The following UBN1 variants were observed in gnomAD, a reference collection of about 807,000 sequenced individuals.
The protein encoded by UBN1 is ubinuclein 1.
A neutral mutation model predicts 108.5 loss-of-function variants in UBN1; 17 were observed. The ratio of observed to expected loss-of-function variants is 0.16; its 90% CI spans 0.11 to 0.24. UBN1 has a LOEUF of 0.24. Ranked by LOEUF, UBN1 falls within the 10% of genes least tolerant of loss-of-function variation. The pLI is 1.00. For synonymous variants in UBN1, 726 were observed against 564.2 expected, an observed-to-expected ratio of 1.29 and a Z score of -4.07; for missense variants, 1,595 against 1,394.4, an observed-to-expected ratio of 1.14 and a Z score of -2.29.
In UBN1 at chr16:4,874,919, T is replaced by A; in HGVS notation, c.2509T>A (p.Cys837Ser). Residue 837 changes from cysteine (C) to serine (S), a missense_variant, in exon 15 of 18, where the codon TGT (cysteine) becomes AGT (serine). Coordinates refer to ENST00000262376, the MANE Select transcript of UBN1 (RefSeq NM_001079514.3). ...LQGPKASPTQ[C>S]HRSLLQLVKT... Reference sequence around the variant, plus strand: ...AGGCCCAAAGGCTTCTCCCACACAGTGTCATCGTTCCCTCCTGCAGTTAGT... The same window carrying A: ...AGGCCCAAAGGCTTCTCCCACACAGAGTCATCGTTCCCTCCTGCAGTTAGT... 2.5e-6 allele frequency: 4 copies of A among 1,614,150 alleles called. No individual in the cohort carries two copies. The highest frequency in any genetic ancestry group is 3.4e-6 in the Non-Finnish European group (4 of 1,180,028).
At chr16:4,875,681 C>G (rs1042175521) in intron 15 of UBN1, among the ~76,000 whole-genome samples, 4 of 152,192 alleles carry the variant, frequency 2.6e-5, no homozygotes, top group Admixed American at 6.5e-5. Context: ...TGGCCAGCAC[C>G]AAGCACCATG....
chr16:4,881,169 C>G lies in UBN1; in HGVS notation c.*1037C>G, dbSNP rs2088064428. ...CTGAGGGTCAAGGATACCAGGGGTC[C>G]CAAGTCACAGATAGACATTCCAGTT... is the stretch of plus-strand genomic sequence containing the variant. On this transcript the variant is annotated 3_prime_UTR_variant, in exon 18 of 18. Transcript: ENST00000262376. The G allele has an allele frequency of 6.6e-6, 1 of 152,580 alleles. No individual in the cohort carries two copies. The highest frequency in any genetic ancestry group is 2.4e-5 in the African/African-American group (1 of 41,426). 9.5% of individuals were successfully genotyped at this position (152,580 alleles called of 1,614,324 possible).
chr16:4,869,254 G>C (rs1165618795), intron 8 of UBN1, among the ~76,000 whole-genome samples: 1 of 152,208 alleles, frequency 6.6e-6, no homozygotes, highest in Non-Finnish European at 1.5e-5. Context: ...CCTGAAGAAT[G>C]AGAGACAGCC....
In UBN1 at chr16:4,851,274, G is replaced by A. The variant is rs193098645; in HGVS notation, c.-39-1605G>A. ...CCCAGCAGGAGTTCAAAACCAGTCTGGGCAACATGGCAAAACAACGTCCCT... is the reference window on the plus strand; with the variant it reads ...CCCAGCAGGAGTTCAAAACCAGTCTAGGCAACATGGCAAAACAACGTCCCT... On this transcript the variant is annotated intron_variant, in intron 1 of 17. Transcript: ENST00000262376. 6.8e-3 allele frequency among the ~76,000 whole-genome samples: 1,039 copies of A among 152,242 alleles called. 22 individuals are homozygous for A. The highest frequency in any genetic ancestry group is 0.024 in the African/African-American group (992 of 41,544).
chr16:4,850,826 G>T (rs1016839063), intron 1 of UBN1, among the ~76,000 whole-genome samples: 1 of 152,130 alleles, frequency 6.6e-6, no homozygotes, highest in African/African-American at 2.4e-5. Flanking sequence ...ACTCACATTT[G>T]TGATTGATTT....
rs375492445 is a variant in UBN1 at position 4,877,502 on chromosome 16, G to A, written c.3355+28G>A. On this transcript the variant is annotated intron_variant, in intron 17 of 17. Coordinates refer to ENST00000262376, the MANE Select transcript of UBN1 (RefSeq NM_001079514.3). The surrounding 1 kb of genome is among the most constrained non-coding windows in gnomAD (Gnocchi z 4.3). ...AATCACCCGACGGTCAGTGTGCCAC[G>A]CGCACCGTGTGCCTTTGCCCTCTCC... is the stretch of plus-strand genomic sequence containing the variant. The A allele has an allele frequency of 5.0e-5, 79 of 1,592,772 alleles. No individual in the cohort carries two copies. Among genetic ancestry groups the A allele is most frequent in the Middle Eastern group, 3.3e-4 (2 of 5,988 alleles).
rs1038320514 is a variant in UBN1, at chr16:4,881,714, T to C, written c.*1582T>C. The C allele has an allele frequency of 3.3e-5, 5 of 152,308 alleles. No individual in the cohort carries two copies. Among genetic ancestry groups the C allele is most frequent in the East Asian group, 3.9e-4 (2 of 5,194 alleles). 9.4% of individuals were successfully genotyped at this position (152,308 alleles called of 1,614,324 possible). A position where few individuals can be genotyped will look rare whatever the true frequency, so the allele number is the denominator to read the frequency against. ...CATAAGAACCAATCCGTGTTTCACA[T>C]TGGGCTAAGTGGATTCCTTATCCCT... On this transcript the variant is annotated 3_prime_UTR_variant, in exon 18 of 18. Coordinates refer to ENST00000262376, the MANE Select transcript of UBN1 (RefSeq NM_001079514.3).
chr16:4,875,175 G>A lies in UBN1; in HGVS notation c.2765G>A (p.Gly922Glu). 1 of 1,614,234 alleles carries A rather than the reference G, an allele frequency of 6.2e-7. No individual in the cohort carries two copies. Among genetic ancestry groups the A allele is most frequent in the Non-Finnish European group, 8.5e-7 (1 of 1,180,052 alleles). ...GVSSGSSSSG[G>E]TPVQSSVSGS... ...TCTTCTGGCAGCTCTTCCTCGGGAG[G>A]AACACCAGTCCAGAGTTCTGTTTCT... is the stretch of plus-strand genomic sequence containing the variant. Residue 922 changes from glycine (G) to glutamate (E), a missense_variant, in exon 15 of 18, where the codon GGA becomes GAA. By Grantham distance (98) the Gly-to-Glu change is moderately conservative (BLOSUM62 -2). Transcript: ENST00000262376.
intron 1 of UBN1, among the ~76,000 whole-genome samples, chr16:4,849,295 A>G (rs1263380117): frequency 6.6e-6 from 1 of 152,202 alleles, no homozygotes; most frequent in Admixed American, 6.5e-5. Flanking sequence ...TTTTTGGAAA[A>G]GGGAAGACAG....
chr16:4,877,538 G>A lies in UBN1; in HGVS notation c.3355+64G>A, dbSNP rs1327712469. The stretch of plus-strand genomic sequence containing the variant: ...GCCTTTGCCCTCTCCACCCCTAGGT[G>A]CTTTGCCGCTGCCAAGGGTCTTGGT... On this transcript the variant is annotated intron_variant, in intron 17 of 17. Transcript: ENST00000262376. This position sits in a 1 kb window ranked among gnomAD's most constrained non-coding sequence, Gnocchi z 4.3. 6 of 1,508,312 alleles carry A rather than the reference G, an allele frequency of 4.0e-6. No homozygotes were observed. In the African/African-American group the frequency reaches 7.0e-5, roughly 18 times the overall value. The allele number at this position is 1,508,312 out of a possible 1,614,324, so 93.4% of individuals were successfully genotyped here.
At chr16:4,862,251 A>C (rs1298993522) in intron 7 of UBN1, among the ~76,000 whole-genome samples, 1 of 152,244 alleles carries the variant, frequency 6.6e-6, no homozygotes, top group Non-Finnish European at 1.5e-5. Flanking sequence ...AGGGCAGGGT[A>C]AATTGTCAGC....
intron 7 of UBN1, among the ~76,000 whole-genome samples, chr16:4,865,376 G>A (rs1018943325): frequency 3.9e-5 from 6 of 152,132 alleles, no homozygotes; most frequent in Non-Finnish European, 8.8e-5. Context: ...TATTGTACAA[G>A]TGGCTATCTA....
At position 4,870,984 on chromosome 16, in the gene UBN1, C is replaced by A. The variant is rs749019907; in HGVS notation, c.1559+12C>A. 1 of 1,613,862 alleles carries A rather than the reference C, an allele frequency of 6.2e-7. No individual in the cohort carries two copies. The highest frequency in any genetic ancestry group is 1.1e-5 in the South Asian group (1 of 91,036). On this transcript the variant is annotated intron_variant, in intron 11 of 17. Transcript: ENST00000262376. Reference sequence around the variant, plus strand: ...AATGATGAGATCAGGTGTGCCCACACTGGGACTTGGCCTCTTTGGAGGGTT... The same window carrying A: ...AATGATGAGATCAGGTGTGCCCACAATGGGACTTGGCCTCTTTGGAGGGTT...
chr16:4,875,845 T>C (rs2087856345), intron 15 of UBN1, among the ~76,000 whole-genome samples: 1 of 152,236 alleles, frequency 6.6e-6, no homozygotes, highest in African/African-American at 2.4e-5. Flanking sequence ...TAGCAGGACC[T>C]TCTAAGAGTG....
At chr16:4,853,242 C>T (rs8056889) in intron 2 of UBN1, 76 bp downstream of exon 2, 758,331 of 1,538,510 alleles carry the variant, frequency 0.49, 191,005 homozygotes, top group African/African-American at 0.74. Context: ...GCTTCCGTAG[C>T]GGGGAAGCAA....
chr16:4,857,290 A>G (rs1192865771), intron 2 of UBN1, among the ~76,000 whole-genome samples: 1 of 151,674 alleles, frequency 6.6e-6, no homozygotes, highest in East Asian at 1.9e-4. Context: ...GGTTGAGGCT[A>G]CAGTGAGTCA....
In UBN1 at chr16:4,874,981, T is replaced by C; in HGVS notation, c.2571T>C (p.Ser857=). The change falls in exon 15 of 18, where the codon TCT becomes TCC. Residue 857 remains serine, a synonymous_variant. Coordinates refer to ENST00000262376, the MANE Select transcript of UBN1 (RefSeq NM_001079514.3). ...TAAKGQGFHP[S]APATSGGLSA... ...CCAAAGGCCAGGGCTTCCATCCCTCTGCACCAGCCACCTCAGGAGGCCTGT... is the reference window on the plus strand; with the variant it reads ...CCAAAGGCCAGGGCTTCCATCCCTCCGCACCAGCCACCTCAGGAGGCCTGT... The C allele has an allele frequency of 6.2e-7, 1 of 1,614,136 alleles. No homozygotes were observed.
rs996498082 is a variant in UBN1, at chr16:4,882,296, G to T, written c.*2164G>T. The stretch of plus-strand genomic sequence containing the variant: ...TGTGCAGCGACTATGTTGGTGTTAG[G>T]GGTGGTGTGGAGATTGTTAATCTTG... On this transcript the variant is annotated 3_prime_UTR_variant, in exon 18 of 18. Transcript: ENST00000262376. 1.3e-5 allele frequency: 2 copies of T among 152,618 alleles called. No individual in the cohort carries two copies. Among genetic ancestry groups the T allele is most frequent in the African/African-American group, 4.8e-5 (2 of 41,390 alleles). 9.5% of individuals were successfully genotyped at this position (152,618 alleles called of 1,614,324 possible).
At position 4,881,690 on chromosome 16, in the gene UBN1, A is replaced by C. The variant is rs765336838; in HGVS notation, c.*1558A>C. On this transcript the variant is annotated 3_prime_UTR_variant, in exon 18 of 18. Coordinates refer to ENST00000262376, the MANE Select transcript of UBN1 (RefSeq NM_001079514.3). ...CCTCTGCTCTGTCTCCTTTTTTTAC[A>C]TAAGAACCAATCCGTGTTTCACATT... 6 of 152,108 alleles carry C rather than the reference A, an allele frequency of 3.9e-5. No individual in the cohort carries two copies. Among genetic ancestry groups the C allele is most frequent in the Non-Finnish European group, 8.8e-5 (6 of 68,014 alleles). The allele number at this position is 152,108 out of a possible 1,614,324, so 9.4% of individuals were successfully genotyped here.
Sources: allele counts gnomAD v4.1 joint callset (sites outside exome capture counted in the v4.1 genomes callset), GRCh38; gene constraint gnomAD v4.1.1; non-coding constraint Gnocchi (gnomAD v3.1); transcripts MANE v1.5; gene names NCBI Gene and HGNC (gene_info 2026-07-23, HGNC 2026-07-21).